TARS3: variants seen among roughly 807,000 people sequenced by gnomAD.
TARS3 encodes the protein threonine--tRNA ligase 2, cytoplasmic.
TARS3 carries 94 observed loss-of-function variants against 103.5 expected under a neutral mutation model. The observed-to-expected ratio is 0.91, with a 90% CI of 0.77 to 1.08. TARS3 has a LOEUF of 1.08. Among genes scored for constraint, TARS3 ranks in the 50% least tolerant of loss-of-function variants. TARS3 has a pLI of 0.00. For synonymous variants in TARS3, 416 were observed against 355.4 expected, an observed-to-expected ratio of 1.17 and a Z score of -1.92; for missense variants, 952 against 995.2, an observed-to-expected ratio of 0.96 and a Z score of 0.58.
chr15:101,677,738 T>C (rs1302650968), intron 12 of TARS3, among the ~76,000 whole-genome samples: 2 of 151,974 alleles, frequency 1.3e-5, no homozygotes, highest in Non-Finnish European at 2.9e-5. Context: ...CCTCAGGTGA[T>C]CCACCCACCT....
chr15:101,670,802 G>C (rs1471768692), intron 15 of TARS3, among the ~76,000 whole-genome samples: 3 of 152,186 alleles, frequency 2.0e-5, no homozygotes, highest in Non-Finnish European at 4.4e-5. Flanking sequence ...ACACTAGTCA[G>C]TGACAGAAAG....
rs541042724 is a variant in TARS3, at chr15:101,669,067, G to C, written c.1967+2419C>G. On this transcript the variant is annotated intron_variant, in intron 15 of 18. Coordinates refer to ENST00000335968, the MANE Select transcript of TARS3 (RefSeq NM_152334.3). ...TCCAGAAGAAGGCACTATTATCATG[G>C]GTGATGACAGCTCCATGCGTGTACT... Among the ~76,000 whole-genome samples, 17 of 152,296 alleles carry C rather than the reference G, an allele frequency of 1.1e-4. 1 individual carries two copies. In the South Asian group the frequency reaches 3.3e-3, roughly 30 times the overall value.
chr15:101,657,185 G>T (rs997174648), intron 17 of TARS3, 149 bp from the exon 18 acceptor site: 2 of 557,186 alleles, frequency 3.6e-6, no homozygotes, highest in Non-Finnish European at 6.3e-6. Flanking sequence ...AAGAAGTGCG[G>T]AAGTGTCGGC....
At chr15:101,658,256 G>A (rs907410915) in intron 16 of TARS3, among the ~76,000 whole-genome samples, 6 of 151,348 alleles carry the variant, frequency 4.0e-5, no homozygotes, top group African/African-American at 9.7e-5. Flanking sequence ...GTCCTTTAGC[G>A]GGTGAATGGC....
At chr15:101,678,297 T>G (rs1016388169) in intron 12 of TARS3, among the ~76,000 whole-genome samples, 2 of 152,216 alleles carry the variant, frequency 1.3e-5, no homozygotes, top group Admixed American at 6.5e-5. Flanking sequence ...TTTTTTAATC[T>G]ACTATGTCAA....
At chr15:101,701,838 C>T (rs948061018) in intron 9 of TARS3, among the ~76,000 whole-genome samples, 1 of 151,972 alleles carries the variant, frequency 6.6e-6, no homozygotes, top group Non-Finnish European at 1.5e-5. Flanking sequence ...TGCAGTGGAG[C>T]GATCTCAGCT....
chr15:101,709,024 A>T (rs989829940), intron 5 of TARS3, 114 bp from the exon 6 acceptor site: 1 of 686,702 alleles, frequency 1.5e-6, no homozygotes, highest in Non-Finnish European at 2.4e-6. Flanking sequence ...TTATTGTTCC[A>T]GGACTTCAGA....
intron 15 of TARS3, among the ~76,000 whole-genome samples, chr15:101,671,131 T>C (rs950889292): frequency 3.9e-5 from 6 of 152,114 alleles, no homozygotes; most frequent in African/African-American, 1.4e-4. Flanking sequence ...AGTGATAAAA[T>C]TGCCTTTTTT....
At chr15:101,672,699 T>G (rs1197036601) in intron 13 of TARS3, among the ~76,000 whole-genome samples, 2 of 152,160 alleles carry the variant, frequency 1.3e-5, no homozygotes, top group African/African-American at 4.8e-5. Flanking sequence ...CCTGGGATCC[T>G]GGGAGTGTCC....
chr15:101,706,061 T>C (rs62027620), intron 6 of TARS3, among the ~76,000 whole-genome samples: 4,360 of 152,280 alleles, frequency 0.029, 91 homozygotes, highest in Non-Finnish European at 0.045. Flanking sequence ...TCTCCCTGGT[T>C]CAAGCGATTC....
At chr15:101,655,039 A>G (rs994757505) in intron 18 of TARS3, among the ~76,000 whole-genome samples, 6 of 151,538 alleles carry the variant, frequency 4.0e-5, no homozygotes, top group Non-Finnish European at 7.4e-5. Flanking sequence ...GGGAGCTCTT[A>G]CAGGCTCACA....
chr15:101,666,438 T>C (rs1482488618), intron 15 of TARS3, among the ~76,000 whole-genome samples: 2 of 130,788 alleles, frequency 1.5e-5, no homozygotes, highest in East Asian at 4.5e-4. Context: ...ATTGTCCCAC[T>C]GCACTCCAGC....
chr15:101,654,799 C>T (rs1897137520), intron 18 of TARS3, 69 bp from the exon 19 acceptor site: 13 of 1,445,514 alleles, frequency 9.0e-6, no homozygotes, highest in Non-Finnish European at 1.2e-5. Flanking sequence ...TCAGCAGTCC[C>T]ATGACATGTT....
At chr15:101,690,265 T>C (rs1053286812) in intron 10 of TARS3, among the ~76,000 whole-genome samples, 1 of 152,254 alleles carries the variant, frequency 6.6e-6, no homozygotes, top group African/African-American at 2.4e-5. Flanking sequence ...CTGACTTCTG[T>C]GGGCTCCGCA....
At chr15:101,721,615 C>A (rs1315436439) in intron 2 of TARS3, among the ~76,000 whole-genome samples, 1 of 152,152 alleles carries the variant, frequency 6.6e-6, no homozygotes, top group Non-Finnish European at 1.5e-5. Context: ...CTGCCTCGGC[C>A]ACCCGAGTAG....
chr15:101,694,947 T>C (rs903697245), intron 10 of TARS3, among the ~76,000 whole-genome samples: 4 of 152,190 alleles, frequency 2.6e-5, no homozygotes, highest in African/African-American at 9.7e-5. Flanking sequence ...TGTAGGATGA[T>C]GACAAAGTCC....
At chr15:101,681,233 A>C (rs549913716) in intron 12 of TARS3, among the ~76,000 whole-genome samples, 1 of 152,288 alleles carries the variant, frequency 6.6e-6, no homozygotes, top group African/African-American at 2.4e-5. Context: ...TTTATCTTTC[A>C]AAGTTCTTTT....
Position 101,702,321 on chromosome 15 carries a change from G to C in TARS3, c.1139C>G (p.Ser380Cys). ...TCTCATCATCTTGTTATCAGGAAAG[G>C]ATATTCCATAGATCCTCTGCAATGT... is the stretch of plus-strand genomic sequence containing the variant. ...METLQRIYGI[S>C]FPDNKMMRDW... The change falls in exon 9 of 19, where the codon TCC becomes TGC. Residue 380 changes from serine to cysteine, a missense_variant. Coordinates refer to ENST00000335968, the MANE Select transcript of TARS3 (RefSeq NM_152334.3). 6.2e-7 allele frequency: 1 copy of C among 1,613,956 alleles called. No homozygotes were observed. Among genetic ancestry groups the C allele is most frequent in the Non-Finnish European group, 8.5e-7 (1 of 1,179,888 alleles).
At chr15:101,674,669 G>T (rs1897949875) in intron 13 of TARS3, among the ~76,000 whole-genome samples, 1 of 152,078 alleles carries the variant, frequency 6.6e-6, no homozygotes, top group Non-Finnish European at 1.5e-5. Context: ...GGCCGGGTGT[G>T]GTGGCGGGGG....
Sources: gnomAD v4.1 joint callset for allele counts (sites outside exome capture counted in the v4.1 genomes callset) on GRCh38, gnomAD v4.1.1 for gene constraint, MANE v1.5 for transcripts, NCBI Gene and HGNC (gene_info 2026-07-23, HGNC 2026-07-21) for gene names.